SDK1: variants seen among roughly 807,000 people sequenced by gnomAD.
SDK1 encodes sidekick cell adhesion molecule 1.
Under a neutral mutation model 245.5 loss-of-function variants are expected in SDK1, and 157 were observed. The ratio of observed to expected loss-of-function variants is 0.64; its 90% CI spans 0.56 to 0.73. SDK1 has a LOEUF of 0.73. Ranked by LOEUF, SDK1 falls within the 30% of genes least tolerant of loss-of-function variation. SDK1 has a pLI of 0.00. For synonymous variants in SDK1, 1,647 were observed against 1,278.5 expected (o/e 1.29, Z -6.15); for missense variants, 3,583 against 3,002.3 (o/e 1.19, Z -4.52).
intron 5 of SDK1, among the ~76,000 whole-genome samples, chr7:3,835,405 GCC>G (rs1173980945): frequency 6.6e-6 from 1 of 152,164 alleles, no homozygotes; most frequent in Non-Finnish European, 1.5e-5. Flanking sequence ...GCTAAACCTT[GCC>G]CTGTTGAACC....
At position 3,579,007 on chromosome 7, in the gene SDK1, T is replaced by C. The variant is rs1160397497; in HGVS notation, c.299-40073T>C. Among the ~76,000 whole-genome samples, 4 of 151,934 alleles carry C rather than the reference T, an allele frequency of 2.6e-5. No individual in the cohort carries two copies. In the East Asian group the frequency reaches 7.7e-4, roughly 29 times the overall value. ...AGTATTATTAGGGAAGTGATAAATG[T>C]CCTTGAAATCTTCACAATTTATGTT... On this transcript the variant is annotated intron_variant, in intron 1 of 44. Transcript: ENST00000404826.
At chr7:3,789,127 C>G (rs551109850) in intron 4 of SDK1, among the ~76,000 whole-genome samples, 90 of 152,194 alleles carry the variant, frequency 5.9e-4, no homozygotes, top group African/African-American at 2.1e-3. Context: ...AGGCCACTAA[C>G]CGGGGAAAGT....
chr7:3,348,367 A>C (rs1780563459), intron 1 of SDK1, among the ~76,000 whole-genome samples: 1 of 152,208 alleles, frequency 6.6e-6, no homozygotes, highest in Non-Finnish European at 1.5e-5. Flanking sequence ...ATCATGGACT[A>C]CTATGCAGCC....
At chr7:3,609,913 C>T (rs1031297151) in intron 1 of SDK1, among the ~76,000 whole-genome samples, 2 of 150,450 alleles carry the variant, frequency 1.3e-5, no homozygotes, top group Admixed American at 6.6e-5. Flanking sequence ...GTTGGCCAGA[C>T]TGGTCTCAAA....
intron 1 of SDK1, among the ~76,000 whole-genome samples, chr7:3,597,526 C>T (rs765172702): frequency 5.9e-5 from 9 of 152,056 alleles, no homozygotes; most frequent in South Asian, 2.1e-4. Flanking sequence ...GTTGCTTTTT[C>T]GAAAGTGTTA....
chr7:3,343,513 A>G (rs574281015), intron 1 of SDK1, among the ~76,000 whole-genome samples: 3 of 152,222 alleles, frequency 2.0e-5, no homozygotes, highest in Non-Finnish European at 2.9e-5. Flanking sequence ...TAGGACGGAC[A>G]TGGATGTGGC....
intron 5 of SDK1, among the ~76,000 whole-genome samples, chr7:3,949,085 C>A (rs891654301): frequency 6.6e-5 from 10 of 152,144 alleles, no homozygotes; most frequent in Non-Finnish European, 1.3e-4. Context: ...AATCTGATAA[C>A]CAGCCCAGGA....
At chr7:3,540,546 A>C (rs899324935) in intron 1 of SDK1, among the ~76,000 whole-genome samples, 4 of 151,550 alleles carry the variant, frequency 2.6e-5, no homozygotes, top group African/African-American at 9.7e-5. Flanking sequence ...TAAGAAGAAG[A>C]CTTTAAGGAA....
intron 5 of SDK1, among the ~76,000 whole-genome samples, chr7:3,949,065 T>C (rs1470831611): frequency 6.6e-6 from 1 of 152,008 alleles, no homozygotes; most frequent in Non-Finnish European, 1.5e-5. Context: ...GACTCTGCCA[T>C]CTTCTCAGAA....
chr7:3,566,157 C>A (rs1779909659), intron 1 of SDK1, among the ~76,000 whole-genome samples: 1 of 150,770 alleles, frequency 6.6e-6, no homozygotes, highest in African/African-American at 2.4e-5. Flanking sequence ...GTCAGTTCTT[C>A]ACAAAATATT....
intron 4 of SDK1, among the ~76,000 whole-genome samples, chr7:3,811,956 C>T (rs1334862549): frequency 6.6e-6 from 1 of 152,190 alleles, no homozygotes; most frequent in African/African-American, 2.4e-5. Context: ...ACTTTGCTGC[C>T]TGTGTGGCGT....
chr7:3,804,096 C>G (rs1408053187), intron 4 of SDK1, among the ~76,000 whole-genome samples: 2 of 152,126 alleles, frequency 1.3e-5, no homozygotes. Context: ...TTTCACAGAA[C>G]AAAACATTTT....
chr7:3,481,642 C>A (rs556922659), intron 1 of SDK1, among the ~76,000 whole-genome samples: 5 of 152,336 alleles, frequency 3.3e-5, no homozygotes, highest in African/African-American at 9.6e-5. Flanking sequence ...TACCTCAGGG[C>A]TCACTGTGTC....
At chr7:3,523,201 T>TG (rs534874140) in intron 1 of SDK1, among the ~76,000 whole-genome samples, 194 of 152,338 alleles carry the variant, frequency 1.3e-3, no homozygotes, top group African/African-American at 4.5e-3. Context: ...ACCTGAATGA[T>TG]GTAATGTTAA....
At chr7:4,113,956 C>A in intron 24 of SDK1, 81 bp from the exon 25 acceptor site, 2 of 1,170,650 alleles carry the variant, frequency 1.7e-6, no homozygotes, top group Non-Finnish European at 2.5e-6. Flanking sequence ...GTTGGCCTCA[C>A]AGGGCAGGCC....
At position 3,508,156 on chromosome 7, in the gene SDK1, A is replaced by T. The variant is rs888022359; in HGVS notation, c.299-110924A>T. Among the ~76,000 whole-genome samples, 5 of 151,662 alleles carry T rather than the reference A, an allele frequency of 3.3e-5. No individual in the cohort carries two copies. In the South Asian group the frequency reaches 6.3e-4, roughly 19 times the overall value. ...ACAAACTGTTGCCTTGTAATCTCGTAATTACCATCCAGAAGCTGGTGTTTT... is the reference window on the plus strand; with the variant it reads ...ACAAACTGTTGCCTTGTAATCTCGTTATTACCATCCAGAAGCTGGTGTTTT... On this transcript the variant is annotated intron_variant, in intron 1 of 44. Coordinates refer to ENST00000404826, the MANE Select transcript of SDK1 (RefSeq NM_152744.4).
chr7:4,042,853 TC>T (rs1788732135), intron 17 of SDK1, among the ~76,000 whole-genome samples: 1 of 152,242 alleles, frequency 6.6e-6, no homozygotes, highest in South Asian at 2.1e-4. Flanking sequence ...TGTAACTCTT[TC>T]TCGCTTGAGG....
chr7:3,390,178 A>G (rs1333534408), intron 1 of SDK1, among the ~76,000 whole-genome samples: 1 of 152,198 alleles, frequency 6.6e-6, no homozygotes, highest in East Asian at 1.9e-4. Flanking sequence ...AAGAAATTCT[A>G]ACTGTGGTCT....
chr7:3,441,925 C>G (rs1430955332), intron 1 of SDK1, among the ~76,000 whole-genome samples: 1 of 152,100 alleles, frequency 6.6e-6, no homozygotes, highest in Non-Finnish European at 1.5e-5. Flanking sequence ...CTTGATTTGC[C>G]TGAGTGATTC....
Sources: allele counts gnomAD v4.1 joint callset (sites outside exome capture counted in the v4.1 genomes callset), GRCh38; gene constraint gnomAD v4.1.1; transcripts MANE v1.5; gene names NCBI Gene and HGNC (gene_info 2026-07-23, HGNC 2026-07-21).